The following GNG12 variants were observed in gnomAD, a reference collection of about 807,000 sequenced individuals.
GNG12 encodes guanine nucleotide-binding protein G(I)/G(S)/G(O) subunit gamma-12.
For synonymous variants in GNG12, 28 were observed against 29.7 expected (o/e 0.94, Z 0.19); for missense variants, 69 against 83.8 (o/e 0.82, Z 0.69).
rs145622606 is a variant in GNG12 at position 67,706,377 on chromosome 1, T to C, written c.94-801A>G. On this transcript the variant is annotated intron_variant, in intron 3 of 3. Transcript: ENST00000370982. ...GAGCTTCAGGATTTACTGTTAGAGATTGGGCTTGCGGAAGTAAAAAGAGAG... is the reference window on the plus strand; with the variant it reads ...GAGCTTCAGGATTTACTGTTAGAGACTGGGCTTGCGGAAGTAAAAAGAGAG... 1.2e-3 allele frequency among the ~76,000 whole-genome samples: 184 copies of C among 152,258 alleles called. 1 individual carries two copies. The highest frequency in any genetic ancestry group is 4.1e-3 in the African/African-American group (170 of 41,538).
chr1:67,827,722 G>A (rs1327303196), intron 1 of GNG12, among the ~76,000 whole-genome samples: 1 of 151,730 alleles, frequency 6.6e-6, no homozygotes, highest in African/African-American at 2.4e-5. Context: ...ACTGCACCCA[G>A]CCAACACTCC....
intron 1 of GNG12, among the ~76,000 whole-genome samples, chr1:67,795,219 G>A (rs1375494204): frequency 3.3e-5 from 5 of 152,100 alleles, no homozygotes; most frequent in South Asian, 2.1e-4. Context: ...AATTTTGACG[G>A]TTCCCAACCC....
chr1:67,814,499 T>C (rs898262191), intron 1 of GNG12, among the ~76,000 whole-genome samples: 2 of 152,196 alleles, frequency 1.3e-5, no homozygotes, highest in Non-Finnish European at 2.9e-5. Context: ...GAACTGACAA[T>C]TCCAGTCTTT....
intron 2 of GNG12, among the ~76,000 whole-genome samples, chr1:67,728,572 C>G (rs535546579): frequency 1.3e-5 from 2 of 152,252 alleles, no homozygotes; most frequent in East Asian, 3.9e-4. Flanking sequence ...GTAAATGTCA[C>G]TAGGGTGAAC....
chr1:67,776,139 T>C (rs936651866), intron 2 of GNG12, among the ~76,000 whole-genome samples: 1 of 152,034 alleles, frequency 6.6e-6, no homozygotes, highest in Non-Finnish European at 1.5e-5. Context: ...GTAGAAAACC[T>C]GGTATTTGCA....
chr1:67,762,069 G>T (rs1646608796), intron 2 of GNG12, among the ~76,000 whole-genome samples: 1 of 152,112 alleles, frequency 6.6e-6, no homozygotes, highest in African/African-American at 2.4e-5. Flanking sequence ...CATTAGATAT[G>T]CTGCAATGTT....
In GNG12 at chr1:67,773,374, A is replaced by T. The variant is rs906803528; in HGVS notation, c.-27+4084T>A. On this transcript the variant is annotated intron_variant, in intron 2 of 3. Transcript: ENST00000370982. ...CACCCTTGATCCTGCACTCCTGCTC[A>T]CCTTCCCTATACTATTGGATATTTC... Among the ~76,000 whole-genome samples, 3 of 152,254 alleles carry T rather than the reference A, an allele frequency of 2.0e-5. No individual in the cohort carries two copies. In the South Asian group the frequency reaches 6.2e-4, roughly 32 times the overall value.
intron 2 of GNG12, among the ~76,000 whole-genome samples, chr1:67,736,239 C>T (rs1646451659): frequency 6.6e-6 from 1 of 152,118 alleles, no homozygotes; most frequent in Non-Finnish European, 1.5e-5. Flanking sequence ...CAACGCCCAC[C>T]TCTTCTTCCG....
At chr1:67,743,416 T>C (rs1032176130) in intron 2 of GNG12, among the ~76,000 whole-genome samples, 3 of 152,222 alleles carry the variant, frequency 2.0e-5, no homozygotes, top group Admixed American at 2.0e-4. Flanking sequence ...TCTAACCTCA[T>C]AGCATAAATG....
In GNG12 at chr1:67,704,264, T is replaced by C. The variant is rs1174967172; in HGVS notation, c.*1187A>G. On this transcript the variant is annotated 3_prime_UTR_variant, in exon 4 of 4. Transcript: ENST00000370982. ...CCTCTTGGATGGTATGTGAACAAGG[T>C]AGGGATGAAACTGCAGATGTCTGAA... is the stretch of plus-strand genomic sequence containing the variant. 4 of 152,080 alleles carry C rather than the reference T, an allele frequency of 2.6e-5. No homozygotes were observed. The highest frequency in any genetic ancestry group is 2.1e-4 in the South Asian group (1 of 4,828). 9.4% of individuals were successfully genotyped at this position (152,080 alleles called of 1,614,324 possible).
intron 2 of GNG12, among the ~76,000 whole-genome samples, chr1:67,774,283 A>T (rs3766276): frequency 6.6e-6 from 1 of 152,074 alleles, no homozygotes; most frequent in African/African-American, 2.4e-5. Context: ...TGAACTGGGG[A>T]CTTATTTTAT....
intron 2 of GNG12, among the ~76,000 whole-genome samples, chr1:67,770,184 G>A (rs1487521074): frequency 6.6e-6 from 1 of 152,326 alleles, no homozygotes; most frequent in East Asian, 1.9e-4. Flanking sequence ...AGACCCAGAA[G>A]GAGGACACAA....
At chr1:67,829,823 C>G (rs929631500) in intron 1 of GNG12, among the ~76,000 whole-genome samples, 1 of 152,090 alleles carries the variant, frequency 6.6e-6, no homozygotes, top group Non-Finnish European at 1.5e-5. Context: ...TCACACTGTA[C>G]CCTTTATAGT....
chr1:67,777,932 C>T (rs574309923), intron 1 of GNG12, among the ~76,000 whole-genome samples: 36 of 152,132 alleles, frequency 2.4e-4, no homozygotes, highest in Non-Finnish European at 3.7e-4. Context: ...GACTTTCTAA[C>T]AGTGGCTTTC....
chr1:67,788,781 C>G (rs1646784228), intron 1 of GNG12, among the ~76,000 whole-genome samples: 1 of 152,208 alleles, frequency 6.6e-6, no homozygotes, highest in Admixed American at 6.5e-5. Flanking sequence ...TACATTCTTA[C>G]TGTTCGACAG....
intron 1 of GNG12, among the ~76,000 whole-genome samples, chr1:67,826,250 T>C (rs1647009833): frequency 6.6e-6 from 1 of 152,206 alleles, no homozygotes; most frequent in African/African-American, 2.4e-5. Flanking sequence ...AGGCATTCCT[T>C]CCATGTACAC....
intron 2 of GNG12, among the ~76,000 whole-genome samples, chr1:67,747,339 C>G (rs535086576): frequency 1.3e-5 from 2 of 152,096 alleles, no homozygotes; most frequent in East Asian, 3.9e-4. Flanking sequence ...AGGCTGATCT[C>G]GAACTCCTGA....
intron 2 of GNG12, among the ~76,000 whole-genome samples, chr1:67,765,133 C>T (rs1183325940): frequency 6.6e-6 from 1 of 151,970 alleles, no homozygotes; most frequent in Non-Finnish European, 1.5e-5. Context: ...CCCTGTCAAG[C>T]ACTGAAAAAA....
chr1:67,763,088 C>G (rs1018212409), intron 2 of GNG12, among the ~76,000 whole-genome samples: 3 of 21,020 alleles, frequency 1.4e-4, no homozygotes, highest in Admixed American at 1.3e-3. Flanking sequence ...CCTACCCTCC[C>G]AGGAGAGAGA....
Sources: allele counts gnomAD v4.1 joint callset (sites outside exome capture counted in the v4.1 genomes callset), GRCh38; gene constraint gnomAD v4.1.1; transcripts MANE v1.5; gene names NCBI Gene and HGNC (gene_info 2026-07-23, HGNC 2026-07-21).